CP: variants seen among roughly 807,000 people sequenced by gnomAD.
CP encodes ceruloplasmin.
In CP, 64 loss-of-function variants were observed where a neutral mutation model predicts 122.4. That is an observed-to-expected ratio of 0.52 (90% CI 0.43 to 0.64). CP has a LOEUF of 0.64. CP is among the 30% of genes least tolerant of loss of function. The pLI, the probability that CP is intolerant of heterozygous loss-of-function variation, is 0.00. For missense variants in CP, 1,167 were observed against 1,284.4 expected (o/e 0.91, Z 1.40); for synonymous variants, 440 against 436.4 (o/e 1.01, Z -0.10).
At chr3:149,185,573 C>T (rs1370464612) in intron 11 of CP, 127 bp from the exon 12 acceptor site, 6 of 800,478 alleles carry the variant, frequency 7.5e-6, no homozygotes, top group Non-Finnish European at 1.2e-5. Flanking sequence ...ACACCTTCTG[C>T]TCACCCTGCT....
intron 9 of CP, among the ~76,000 whole-genome samples, chr3:149,195,142 C>G (rs1385938590): frequency 6.6e-6 from 1 of 152,166 alleles, no homozygotes; most frequent in East Asian, 1.9e-4. Flanking sequence ...CATTTATTTC[C>G]TATCAGATTT....
chr3:149,190,703 C>T (rs996665384), intron 9 of CP, among the ~76,000 whole-genome samples: 2 of 128,350 alleles, frequency 1.6e-5, no homozygotes, highest in African/African-American at 5.7e-5. Flanking sequence ...CCATAAACAA[C>T]AAAACTACTC....
intron 12 of CP, among the ~76,000 whole-genome samples, chr3:149,184,513 C>T (rs34535555): frequency 0.094 from 14,379 of 152,232 alleles, 866 homozygotes; most frequent in African/African-American, 0.17. Context: ...CACCTGCCCA[C>T]CCCAATCTCT....
intron 6 of CP, 118 bp downstream of exon 6, chr3:149,206,050 A>C: frequency 1.2e-6 from 1 of 859,580 alleles, no homozygotes; most frequent in East Asian, 2.6e-5. Flanking sequence ...AATATTTAGC[A>C]GTCTAGTTAC....
intron 1 of CP, among the ~76,000 whole-genome samples, chr3:149,213,580 C>G (rs539101503): frequency 1.3e-5 from 2 of 152,018 alleles, no homozygotes; most frequent in African/African-American, 4.8e-5. Flanking sequence ...TTTGGCAAGC[C>G]CCTCCACAAC....
intron 17 of CP, 36 bp from the exon 18 acceptor site, chr3:149,176,448 G>A (rs754041234): frequency 2.1e-6 from 3 of 1,446,408 alleles, no homozygotes; most frequent in Admixed American, 1.7e-5. Context: ...GTATAATATT[G>A]TATATGAGAG....
chr3:149,176,296 G>A lies in CP; in HGVS notation c.3135C>T (p.His1045=). 6.2e-7 allele frequency: 1 copy of A among 1,613,244 alleles called. No homozygotes were observed. Among genetic ancestry groups the A allele is most frequent in the Non-Finnish European group, 8.5e-7 (1 of 1,179,654 alleles). Residue 1045 remains histidine, a synonymous_variant, in exon 18 of 19, where the codon CAC becomes CAT. Coordinates refer to ENST00000264613, the MANE Select transcript of CP (RefSeq NM_000096.4). Reference sequence around the variant, plus strand: ...AAGTGGTTTCCATTCCAGCATGAATGTGGTCGGTCACATGGCAGTGGAGTA... The same window carrying A: ...AAGTGGTTTCCATTCCAGCATGAATATGGTCGGTCACATGGCAGTGGAGTA... ...IWLLHCHVTD[H]IHAGMETTYT... is the part of the protein sequence containing the mutation.
chr3:149,217,889 G>T, intron 1 of CP: 2 of 450,470 alleles, frequency 4.4e-6, no homozygotes, highest in South Asian at 3.2e-5. Context: ...GTTCTTTGTT[G>T]TCTAGTTTTT....
downstream of CP, chr3:149,171,970 G>T (rs1290009420): frequency 6.1e-6 from 5 of 818,722 alleles, no homozygotes; most frequent in Admixed American, 4.0e-5. Flanking sequence ...CTCCCAAAGT[G>T]CTGGGATTAC....
intron 1 of CP, among the ~76,000 whole-genome samples, chr3:149,216,660 C>T (rs1728475461): frequency 6.6e-6 from 1 of 152,190 alleles, no homozygotes; most frequent in Admixed American, 6.5e-5. Context: ...GGCAGAGACT[C>T]AACCTAGGTA....
chr3:149,200,331 A>G (rs1479211266), intron 7 of CP, among the ~76,000 whole-genome samples: 2 of 152,172 alleles, frequency 1.3e-5, no homozygotes, highest in Non-Finnish European at 2.9e-5. Context: ...GAATAAAAAT[A>G]TATATTTTAC....
intron 9 of CP, among the ~76,000 whole-genome samples, chr3:149,195,010 A>G (rs1017665906): frequency 1.3e-5 from 2 of 152,224 alleles, no homozygotes; most frequent in Non-Finnish European, 2.9e-5. Context: ...TCACTTATAT[A>G]TAAATATTTT....
At chr3:149,163,578 T>C (rs1231564366) in intron 5 of CP, among the ~76,000 whole-genome samples, 1 of 152,262 alleles carries the variant, frequency 6.6e-6, no homozygotes, top group African/African-American at 2.4e-5. Flanking sequence ...TTGGCTTAAA[T>C]GCAGTATTGC....
intron 11 of CP, among the ~76,000 whole-genome samples, chr3:149,185,840 G>A (rs35358026): frequency 0.063 from 9,628 of 152,074 alleles, 337 homozygotes; most frequent in Middle Eastern, 0.11. Context: ...ATACTTGCTT[G>A]TTGTCTGTCT....
chr3:149,209,094 T>C, intron 4 of CP, 117 bp downstream of exon 4: 2 of 1,317,438 alleles, frequency 1.5e-6, no homozygotes, highest in Non-Finnish European at 2.1e-6. Flanking sequence ...CAATATGCTT[T>C]GTTATAAGGA....
At chr3:149,192,402 A>C (rs1346005754) in intron 9 of CP, among the ~76,000 whole-genome samples, 1 of 152,032 alleles carries the variant, frequency 6.6e-6, no homozygotes, top group Non-Finnish European at 1.5e-5. Context: ...AATGTGTTAC[A>C]AGTAGCATTT....
Position 149,173,542 on chromosome 3 carries a change from C to T in CP, c.*172G>A, listed in dbSNP as rs1725194583. On this transcript the variant is annotated 3_prime_UTR_variant, in exon 19 of 19. Coordinates refer to ENST00000264613, the MANE Select transcript of CP (RefSeq NM_000096.4). ...TCATTATATAGTCTGTTGATCTTTC[C>T]ATTTGCAAAAAATTAATAGTTTTCC... The T allele has an allele frequency of 3.9e-6, 2 of 510,266 alleles. No individual in the cohort carries two copies. The highest frequency in any genetic ancestry group is 7.1e-5 in the Admixed American group (2 of 28,034). 31.6% of individuals were successfully genotyped at this position (510,266 alleles called of 1,614,324 possible). A position where few individuals can be genotyped will look rare whatever the true frequency, so the allele number is the denominator to read the frequency against.
rs371537528 is a variant in CP, at chr3:149,199,101, G to A, written c.1502-523C>T. Among the ~76,000 whole-genome samples, 13 of 152,228 alleles carry A rather than the reference G, an allele frequency of 8.5e-5. No homozygotes were observed. In the South Asian group the frequency reaches 1.9e-3, roughly 22 times the overall value. ...ACTGCAAGTGGTAGCAAAGTCACTA[G>A]TCTTCACTGGTCCTTCTTGATGTGT... On this transcript the variant is annotated intron_variant, in intron 8 of 18. Coordinates refer to ENST00000264613, the MANE Select transcript of CP (RefSeq NM_000096.4).
At chr3:149,163,218 A>C (rs1416981072) in intron 5 of CP, among the ~76,000 whole-genome samples, 3 of 152,178 alleles carry the variant, frequency 2.0e-5, no homozygotes, top group African/African-American at 7.2e-5. Context: ...CATAAGAGAG[A>C]AGACATCTGC....
Sources: allele counts gnomAD v4.1 joint callset (sites outside exome capture counted in the v4.1 genomes callset), GRCh38; gene constraint gnomAD v4.1.1; transcripts MANE v1.5; gene names NCBI Gene and HGNC (gene_info 2026-07-23, HGNC 2026-07-21).